MEGF11: variants seen among roughly 807,000 people sequenced by gnomAD.
MEGF11 encodes the protein multiple epidermal growth factor-like domains protein 11.
In MEGF11, 126 loss-of-function variants were observed where a neutral mutation model predicts 146.6. The observed-to-expected ratio is 0.86, with a 90% CI of 0.74 to 1.00. The LOEUF (loss-of-function observed/expected upper bound fraction) is 1.00, where lower values mean the gene tolerates loss of function less well. Ranked by LOEUF, MEGF11 falls within the 50% of genes least tolerant of loss-of-function variation. The pLI, the probability that MEGF11 is intolerant of heterozygous loss-of-function variation, is 0.00. For synonymous variants in MEGF11, 532 were observed against 583.4 expected, an observed-to-expected ratio of 0.91 and a Z score of 1.27; for missense variants, 1,509 against 1,521.2, an observed-to-expected ratio of 0.99 and a Z score of 0.13.
intron 5 of MEGF11, among the ~76,000 whole-genome samples, chr15:66,064,518 T>G (rs537395719): frequency 6.6e-6 from 1 of 152,202 alleles, no homozygotes; most frequent in South Asian, 2.1e-4. Flanking sequence ...TGTGAGATGA[T>G]TTTTTCTTCT....
intron 1 of MEGF11, among the ~76,000 whole-genome samples, chr15:66,186,091 G>A (rs1033068848): frequency 6.6e-6 from 1 of 152,152 alleles, no homozygotes; most frequent in South Asian, 2.1e-4. Context: ...ATGAGGACAT[G>A]GAAAGGAATG....
At position 65,955,754 on chromosome 15, in the gene MEGF11, A is replaced by AT. The variant is rs1250254506; in HGVS notation, c.1287+1792_1287+1793insA. Among the ~76,000 whole-genome samples the AT allele has an allele frequency of 5.8e-3, 132 of 22,824 alleles. 4 individuals carry two copies. Among genetic ancestry groups the AT allele is most frequent in the Non-Finnish European group, 8.3e-3 (88 of 10,610 alleles). 15.0% of individuals were successfully genotyped at this position (22,824 alleles called of 152,430 possible). On this transcript the variant is annotated intron_variant, in intron 10 of 25. Transcript: ENST00000395614. ...GTGAGACTCTTAAAAAAAAAAAAAAAAAAAAAAATATATATATATATATAT... is the reference window on the plus strand; with the variant it reads ...GTGAGACTCTTAAAAAAAAAAAAAAATAAAAAAAATATATATATATATATAT...
chr15:66,044,458 G>A (rs1415262535), intron 5 of MEGF11, among the ~76,000 whole-genome samples: 1 of 152,154 alleles, frequency 6.6e-6, no homozygotes, highest in African/African-American at 2.4e-5. Context: ...TATCTCTGAT[G>A]CCACACACAG....
chr15:66,247,460 G>A (rs2092311360), intron 1 of MEGF11, among the ~76,000 whole-genome samples: 1 of 152,184 alleles, frequency 6.6e-6, no homozygotes, highest in South Asian at 2.1e-4. Flanking sequence ...CTTAAAACGA[G>A]TAGAAAGATA....
At chr15:66,068,832 T>C (rs1893499803) in intron 5 of MEGF11, among the ~76,000 whole-genome samples, 1 of 152,134 alleles carries the variant, frequency 6.6e-6, no homozygotes. Context: ...CTAGTGACAA[T>C]GCATGAGGCA....
At chr15:66,052,252 G>T (rs1427997846) in intron 5 of MEGF11, among the ~76,000 whole-genome samples, 1 of 152,162 alleles carries the variant, frequency 6.6e-6, no homozygotes, top group African/African-American at 2.4e-5. Context: ...CTGGGGGTGG[G>T]GGGCAAGGTG....
intron 14 of MEGF11, 23 bp from the exon 15 acceptor site, chr15:65,922,495 G>A: frequency 2.6e-6 from 4 of 1,537,534 alleles, no homozygotes; most frequent in Non-Finnish European, 3.5e-6. Context: ...GGAAGATGGT[G>A]GTCAGCAGCC....
At chr15:65,964,193 C>A (rs994728937) in intron 9 of MEGF11, among the ~76,000 whole-genome samples, 1 of 152,194 alleles carries the variant, frequency 6.6e-6, no homozygotes, top group Non-Finnish European at 1.5e-5. Context: ...GGAGCAGTAG[C>A]CCAGAACAGC....
chr15:66,085,082 G>A (rs1443497177), intron 5 of MEGF11, among the ~76,000 whole-genome samples: 1 of 152,038 alleles, frequency 6.6e-6, no homozygotes, highest in Non-Finnish European at 1.5e-5. Flanking sequence ...CAACCTGCAC[G>A]ACTCAGCAGA....
At chr15:66,159,852 C>A (rs904453476) in intron 1 of MEGF11, among the ~76,000 whole-genome samples, 4 of 151,976 alleles carry the variant, frequency 2.6e-5, no homozygotes, top group African/African-American at 9.7e-5. Flanking sequence ...ACCAGTGAGG[C>A]CCTAGAAGAG....
At position 66,013,357 on chromosome 15, in the gene MEGF11, G is replaced by A. The variant is rs145686219; in HGVS notation, c.395-30869C>T. Among the ~76,000 whole-genome samples the A allele has an allele frequency of 6.9e-3, 1,055 of 152,184 alleles. 3 individuals carry two copies. The highest frequency in any genetic ancestry group is 8.9e-3 in the Non-Finnish European group (603 of 68,014). ...CTCTGTCTGGGCCTTGAGAATTCAG[G>A]CCTCCCACCCCCACCCCAGGTCTCC... On this transcript the variant is annotated intron_variant, in intron 5 of 25. Transcript: ENST00000395614.
intron 5 of MEGF11, among the ~76,000 whole-genome samples, chr15:66,006,932 C>T (rs2082538006): frequency 6.6e-6 from 1 of 152,202 alleles, no homozygotes; most frequent in South Asian, 2.1e-4. Context: ...TCCAATATTG[C>T]AAACAAACAC....
intron 19 of MEGF11, 36 bp downstream of exon 19, chr15:65,915,434 T>C (rs543331401): frequency 6.2e-7 from 1 of 1,606,738 alleles, no homozygotes; most frequent in Non-Finnish European, 8.5e-7. Flanking sequence ...TGGGGCCCTT[T>C]CCACAGACCC....
intron 1 of MEGF11, among the ~76,000 whole-genome samples, chr15:66,211,773 G>A (rs1597154415): frequency 6.6e-6 from 1 of 151,962 alleles, no homozygotes; most frequent in East Asian, 2.0e-4. Flanking sequence ...GAAGTCTCAT[G>A]AAAGTGGTAG....
intron 1 of MEGF11, among the ~76,000 whole-genome samples, chr15:66,149,156 G>A (rs1006121643): frequency 5.3e-5 from 8 of 152,158 alleles, no homozygotes; most frequent in South Asian, 4.1e-4. Flanking sequence ...GCACAACCAC[G>A]GCCACAGGCC....
chr15:65,939,880 A>G (rs2079923986), intron 10 of MEGF11, among the ~76,000 whole-genome samples: 1 of 152,186 alleles, frequency 6.6e-6, no homozygotes, highest in Non-Finnish European at 1.5e-5. Context: ...TTGTAATGAA[A>G]TAATCATTTA....
At chr15:66,236,671 C>A (rs1177556689) in intron 1 of MEGF11, among the ~76,000 whole-genome samples, 1 of 152,126 alleles carries the variant, frequency 6.6e-6, no homozygotes, top group Non-Finnish European at 1.5e-5. Flanking sequence ...AACCCTAGTC[C>A]TCTGGCCCAG....
intron 5 of MEGF11, among the ~76,000 whole-genome samples, chr15:66,063,256 G>C (rs2084978668): frequency 6.6e-6 from 1 of 152,190 alleles, no homozygotes; most frequent in African/African-American, 2.4e-5. Context: ...GCCCCTGGAG[G>C]CTTTTGAGCA....
chr15:65,932,815 G>T (rs935200290), intron 10 of MEGF11, among the ~76,000 whole-genome samples: 1 of 152,032 alleles, frequency 6.6e-6, no homozygotes, highest in Admixed American at 6.5e-5. Flanking sequence ...AGTGTCTCCA[G>T]CCAGCGTCTC....
Sources: allele counts gnomAD v4.1 joint callset (sites outside exome capture counted in the v4.1 genomes callset), GRCh38; gene constraint gnomAD v4.1.1; transcripts MANE v1.5; gene names NCBI Gene and HGNC (gene_info 2026-07-23, HGNC 2026-07-21).